ACCSL: variants seen among roughly 807,000 people sequenced by gnomAD.
The protein encoded by ACCSL is probable inactive 1-aminocyclopropane-1-carboxylate synthase-like protein 2.
ACCSL carries 55 observed loss-of-function variants against 61.7 expected under a neutral mutation model. The observed-to-expected ratio is 0.89, with a 90% CI of 0.72 to 1.12. The LOEUF is 1.12. ACCSL is among the 50% of genes most tolerant of loss of function. The pLI, the probability that ACCSL is intolerant of heterozygous loss-of-function variation, is 0.00. For synonymous variants in ACCSL, 258 were observed against 264.3 expected, an observed-to-expected ratio of 0.98 and a Z score of 0.23; for missense variants, 632 against 698.0, an observed-to-expected ratio of 0.91 and a Z score of 1.07.
chr11:43,942,867 G>C, the ACCSL span: 6 of 1,252,732 alleles, frequency 4.8e-6, no homozygotes, highest in Non-Finnish European at 6.0e-6. Flanking sequence ...GAGAGCCCCG[G>C]CGCCCCGCCG....
chr11:43,931,294 T>A, the ACCSL span, among the ~76,000 whole-genome samples: 1 of 152,118 alleles, frequency 6.6e-6, no homozygotes, highest in East Asian at 1.9e-4. Context: ...CAGAGTAGGT[T>A]TGGGTGTCAT....
At chr11:43,949,098 TC>T in the ACCSL span, among the ~76,000 whole-genome samples, 1 of 152,182 alleles carries the variant, frequency 6.6e-6, no homozygotes, top group East Asian at 1.9e-4. Flanking sequence ...CTCCCAGTCT[TC>T]CCAGCTCCTT....
In ACCSL at chr11:44,048,198, G is replaced by A. The variant is rs190500805; in HGVS notation, c.162G>A (p.Ser54=). The A allele has an allele frequency of 7.1e-4, 1,153 of 1,614,154 alleles. 2 individuals are homozygous for A. The highest frequency in any genetic ancestry group is 9.0e-4 in the Non-Finnish European group (1,063 of 1,180,036). Residue 54 remains serine (S), a synonymous_variant, in exon 1 of 14, where the codon TCG becomes TCA. Transcript: ENST00000378832. ...AGCTGACGAGCAGACAGGGCCTGTCGCTGGAGGAAAGGAGGCACACTGAGG... is the reference window on the plus strand; with the variant it reads ...AGCTGACGAGCAGACAGGGCCTGTCACTGGAGGAAAGGAGGCACACTGAGG... ...FVQLTSRQGL[S]LEERRHTEAI...
chr11:44,012,842 G>A, the ACCSL span, among the ~76,000 whole-genome samples: 1 of 152,218 alleles, frequency 6.6e-6, no homozygotes, highest in South Asian at 2.1e-4. Context: ...TATGAAAGCT[G>A]TAAGGTGGCT....
At chr11:43,941,825 A>G in the ACCSL span, among the ~76,000 whole-genome samples, 78 of 152,340 alleles carry the variant, frequency 5.1e-4, no homozygotes, top group African/African-American at 1.7e-3. Context: ...TACGTAAAAC[A>G]GAGCTCATGG....
the ACCSL span, among the ~76,000 whole-genome samples, chr11:43,959,002 C>T: frequency 6.6e-6 from 1 of 152,242 alleles, no homozygotes; most frequent in African/African-American, 2.4e-5. Context: ...CAGAAAAGGG[C>T]CCAAGCTAGT....
intron 11 of ACCSL, 41 bp from the exon 12 acceptor site, chr11:44,058,276 G>A (rs1952683878): frequency 1.2e-6 from 2 of 1,606,018 alleles, no homozygotes; most frequent in Middle Eastern, 1.7e-4. Context: ...GTAGATTTCT[G>A]TAGTAATATC....
the ACCSL span, among the ~76,000 whole-genome samples, chr11:43,930,084 G>C: frequency 6.6e-6 from 1 of 152,182 alleles, no homozygotes; most frequent in African/African-American, 2.4e-5. Context: ...TCCCGAGAGT[G>C]TCTGTCCCAG....
At chr11:44,003,098 G>A in the ACCSL span, among the ~76,000 whole-genome samples, 1 of 152,160 alleles carries the variant, frequency 6.6e-6, no homozygotes, top group Non-Finnish European at 1.5e-5. Flanking sequence ...AATGTAAAAT[G>A]TTATTATATT....
the ACCSL span, among the ~76,000 whole-genome samples, chr11:43,958,596 C>CA: frequency 1.3e-5 from 2 of 152,342 alleles, no homozygotes; most frequent in South Asian, 2.1e-4. Context: ...TCTGTCTAGG[C>CA]AGCAGGCAAT....
At chr11:43,921,820 T>C in the ACCSL span, among the ~76,000 whole-genome samples, 1 of 152,226 alleles carries the variant, frequency 6.6e-6, no homozygotes, top group Non-Finnish European at 1.5e-5. Flanking sequence ...TCTTCAGTTT[T>C]GTTTTTCTTG....
chr11:43,956,892 T>C, the ACCSL span, among the ~76,000 whole-genome samples: 1 of 152,162 alleles, frequency 6.6e-6, no homozygotes, highest in Admixed American at 6.5e-5. Flanking sequence ...GTTTAGTATT[T>C]ATACATTTTT....
chr11:43,941,538 TCA>T, the ACCSL span, among the ~76,000 whole-genome samples: 34 of 152,334 alleles, frequency 2.2e-4, no homozygotes, highest in African/African-American at 7.9e-4. Context: ...ATGGCCAGGC[TCA>T]CAGTTTCCTC....
chr11:44,052,944 A>T, intron 6 of ACCSL, 47 bp from the exon 7 acceptor site: 1 of 1,580,754 alleles, frequency 6.3e-7, no homozygotes, highest in Non-Finnish European at 8.7e-7. Context: ...TGAGGAATCA[A>T]GACTTAGATT....
intron 5 of ACCSL, among the ~76,000 whole-genome samples, 194 bp from the exon 6 acceptor site, chr11:44,052,463 AGAGTT>A (rs1952645294): frequency 1.3e-5 from 2 of 152,242 alleles, no homozygotes; most frequent in African/African-American, 4.8e-5. Context: ...AGAAGAAACT[AGAGTT>A]TTGTTTCCCC....
chr11:43,983,747 A>C, the ACCSL span, among the ~76,000 whole-genome samples: 1 of 28,388 alleles, frequency 3.5e-5, no homozygotes, highest in Non-Finnish European at 7.1e-5. Flanking sequence ...GGGGTGGGGT[A>C]GGGGGGTGGA....
At chr11:43,982,999 G>A in the ACCSL span, among the ~76,000 whole-genome samples, 8 of 152,304 alleles carry the variant, frequency 5.3e-5, 1 homozygote, top group African/African-American at 1.9e-4. Context: ...AGCCTTGGGT[G>A]CAGGTGCCTA....
the ACCSL span, among the ~76,000 whole-genome samples, chr11:43,982,080 A>T: frequency 6.6e-6 from 1 of 152,064 alleles, no homozygotes; most frequent in African/African-American, 2.4e-5. Flanking sequence ...TTCTCGGGTG[A>T]CAGAGCCCAA....
At chr11:44,029,135 C>T in the ACCSL span, among the ~76,000 whole-genome samples, 1 of 152,234 alleles carries the variant, frequency 6.6e-6, no homozygotes, top group Non-Finnish European at 1.5e-5. Flanking sequence ...CAGAGGGATC[C>T]TTCTATGTGC....
Sources: allele counts gnomAD v4.1 joint callset (sites outside exome capture counted in the v4.1 genomes callset), GRCh38; gene constraint gnomAD v4.1.1; transcripts MANE v1.5; gene names NCBI Gene and HGNC (gene_info 2026-07-23, HGNC 2026-07-21).